POLK: variants seen among roughly 807,000 people sequenced by gnomAD.
POLK encodes the protein DNA polymerase kappa, also known as polymerase (DNA directed) kappa.
In POLK, 76 loss-of-function variants were observed where a neutral mutation model predicts 94.0. The ratio of observed to expected loss-of-function variants is 0.81; its 90% CI spans 0.67 to 0.98. The LOEUF is 0.98. Ranked by LOEUF, POLK falls within the 50% of genes least tolerant of loss-of-function variation. POLK has a pLI of 0.00. For synonymous variants in POLK, 349 were observed against 325.4 expected, an observed-to-expected ratio of 1.07 and a Z score of -0.78; for missense variants, 954 against 1,010.1, an observed-to-expected ratio of 0.94 and a Z score of 0.75.
intron 3 of POLK, among the ~76,000 whole-genome samples, chr5:75,564,706 G>A (rs1174119027): frequency 2.0e-5 from 3 of 152,128 alleles, no homozygotes; most frequent in Non-Finnish European, 2.9e-5. Context: ...AATGTTGAAT[G>A]TTGGCCCCCA....
chr5:75,545,980 G>A (rs1181222870), intron 1 of POLK, among the ~76,000 whole-genome samples: 1 of 152,180 alleles, frequency 6.6e-6, no homozygotes, highest in Non-Finnish European at 1.5e-5. Context: ...CTAGAATGGA[G>A]CATGCAGAAA....
chr5:75,598,466 A>G (rs915478920), exon 15 of POLK: 4 of 152,834 alleles, frequency 2.6e-5, no homozygotes, highest in African/African-American at 4.8e-5. Context: ...CTTAAGTTCT[A>G]TGAAGAGTAT....
In POLK at chr5:75,587,000, T is replaced by TA. The variant is rs1411328312; in HGVS notation, c.1227-23dup. 2.0e-6 allele frequency: 3 copies of TA among 1,524,428 alleles called. No individual in the cohort carries two copies. In the African/African-American group the frequency reaches 4.2e-5, roughly 21 times the overall value. The allele number at this position is 1,524,428 out of a possible 1,614,324, so 94.4% of individuals were successfully genotyped here. On this transcript the variant is annotated intron_variant, in intron 9 of 14. Coordinates refer to ENST00000241436, the Ensembl canonical transcript of POLK. ...TAAAAAAAACTCAGTCTTTGAAAAA[T>TA]AAAGACCTTTTTTTTTCATTTCAAG...
Position 75,568,649 on chromosome 5 carries a change from G to A in POLK, c.256-691G>A, listed in dbSNP as rs1373876091. On this transcript the variant is annotated intron_variant, in intron 3 of 14. Coordinates refer to ENST00000241436, the Ensembl canonical transcript of POLK. ...TAAAGTTCATGAAGAATAAATTACA[G>A]CTTGGGTTTTAAATTTTACTTGTAT... The A allele has an allele frequency of 2.1e-5, 9 of 432,632 alleles. No individual in the cohort carries two copies. In the East Asian group the frequency reaches 6.6e-4, roughly 32 times the overall value. The allele number at this position is 432,632 out of a possible 1,614,324, so 26.8% of individuals were successfully genotyped here.
chr5:75,599,256 A>ATT (rs1773234368), exon 15 of POLK: 1 of 152,090 alleles, frequency 6.6e-6, no homozygotes, highest in African/African-American at 2.4e-5. Context: ...CAATAATATA[A>ATT]TAATAGTTAT....
the POLK span, among the ~76,000 whole-genome samples, chr5:75,607,307 A>G: frequency 6.6e-6 from 1 of 151,992 alleles, no homozygotes; most frequent in Non-Finnish European, 1.5e-5. Flanking sequence ...TCTCTACTCA[A>G]AATACAAAAA....
intron 3 of POLK, among the ~76,000 whole-genome samples, chr5:75,553,856 A>G (rs1347975372): frequency 6.6e-6 from 1 of 152,214 alleles, no homozygotes; most frequent in African/African-American, 2.4e-5. Context: ...AAAATGTAAT[A>G]TTTTAAATAA....
At chr5:75,569,959 A>C (rs1364844682) in intron 4 of POLK, among the ~76,000 whole-genome samples, 1 of 152,164 alleles carries the variant, frequency 6.6e-6, no homozygotes, top group African/African-American at 2.4e-5. Flanking sequence ...GGGATTCTCT[A>C]ATTGCAGGAA....
At chr5:75,593,831 A>G (rs753334891) in intron 11 of POLK, 47 bp from the exon 12 acceptor site, 3 of 1,183,328 alleles carry the variant, frequency 2.5e-6, no homozygotes, top group African/African-American at 3.1e-5. Context: ...CAACAGAGAG[A>G]GACCCTGTCT....
chr5:75,530,656 G>A (rs1246200279), intron 1 of POLK, among the ~76,000 whole-genome samples: 3 of 151,150 alleles, frequency 2.0e-5, no homozygotes, highest in Non-Finnish European at 4.4e-5. Context: ...CAATTATTGT[G>A]TTTGTAAAAA....
chr5:75,592,066 A>C (rs931720452), intron 11 of POLK, among the ~76,000 whole-genome samples: 1 of 152,232 alleles, frequency 6.6e-6, no homozygotes, highest in Non-Finnish European at 1.5e-5. Context: ...GGGGATACTA[A>C]AATATACATA....
chr5:75,568,063 G>A (rs1771375617), intron 3 of POLK, among the ~76,000 whole-genome samples: 1 of 152,106 alleles, frequency 6.6e-6, no homozygotes, highest in Admixed American at 6.5e-5. Context: ...TACAACATGA[G>A]GGAAAAAGCC....
the POLK span, among the ~76,000 whole-genome samples, chr5:75,607,188 C>T: frequency 1.3e-5 from 2 of 152,050 alleles, no homozygotes; most frequent in African/African-American, 2.4e-5. Context: ...AAGTACTGGC[C>T]GGGTGCGGTG....
chr5:75,531,215 T>A (rs1266681707), intron 1 of POLK, among the ~76,000 whole-genome samples: 2 of 151,652 alleles, frequency 1.3e-5, no homozygotes, highest in African/African-American at 4.8e-5. Context: ...ATTCTGTTGA[T>A]CAGTTCATTA....
intron 1 of POLK, among the ~76,000 whole-genome samples, chr5:75,516,988 G>A (rs1167608306): frequency 6.6e-6 from 1 of 152,100 alleles, no homozygotes; most frequent in African/African-American, 2.4e-5. Flanking sequence ...TCTCTATTCT[G>A]TTCCATTTGT....
downstream of POLK, chr5:75,601,277 TTA>T (rs1773290549): frequency 6.6e-6 from 1 of 152,196 alleles, no homozygotes; most frequent in African/African-American, 2.4e-5. Flanking sequence ...TGCAAAATTT[TTA>T]GTTTTTCTCC....
chr5:75,589,388 TACACACACACACACACACACAC>T (rs71600465), intron 10 of POLK, among the ~76,000 whole-genome samples: 9 of 128,250 alleles, frequency 7.0e-5, no homozygotes, highest in African/African-American at 1.8e-4. Context: ...TATACACACA[TACACACACACACACACACACAC>T]ACACACACAC....
chr5:75,537,193 G>A (rs572508545), intron 1 of POLK, among the ~76,000 whole-genome samples: 2 of 152,310 alleles, frequency 1.3e-5, no homozygotes, highest in South Asian at 2.1e-4. Flanking sequence ...GCTCCGGGGC[G>A]CAAAGCTTGT....
Position 75,581,003 on chromosome 5 carries a change from C to G in POLK, c.695-206C>G, listed in dbSNP as rs570601684. Reference sequence around the variant, plus strand: ...TTATACTGTGGAAATGGATAATAGTCTTTTTAAGAAAAATTCATAATCAGT... The same window carrying G: ...TTATACTGTGGAAATGGATAATAGTGTTTTTAAGAAAAATTCATAATCAGT... On this transcript the variant is annotated intron_variant, in intron 6 of 14. Coordinates refer to ENST00000241436, the Ensembl canonical transcript of POLK. Among the ~76,000 whole-genome samples, 11 of 151,610 alleles carry G rather than the reference C, an allele frequency of 7.3e-5. No individual in the cohort carries two copies. The South Asian group carries it at 2.1e-3, about 29-fold the overall frequency.
Sources: allele counts gnomAD v4.1 joint callset (sites outside exome capture counted in the v4.1 genomes callset), GRCh38; gene constraint gnomAD v4.1.1; transcripts MANE v1.5; gene names NCBI Gene and HGNC (gene_info 2026-07-23, HGNC 2026-07-21).